The following RERE variants were observed in gnomAD, a reference collection of about 807,000 sequenced individuals.
RERE encodes the protein arginine-glutamic acid dipeptide repeats.
A neutral mutation model predicts 146.1 loss-of-function variants in RERE; 40 were observed. That is an observed-to-expected ratio of 0.27 (90% CI 0.21 to 0.36). The LOEUF is 0.36. Ranked by LOEUF, RERE falls within the 10% of genes least tolerant of loss-of-function variation. The probability of loss-of-function intolerance (pLI) is 1.00; values close to 1 mark genes in which losing one functional copy is unlikely to be tolerated. For missense variants in RERE, 1,933 were observed against 2,138.7 expected, an observed-to-expected ratio of 0.90 and a Z score of 1.90; for synonymous variants, 1,003 against 866.0, an observed-to-expected ratio of 1.16 and a Z score of -2.78.
chr1:8,471,919 C>G (rs1242342792), intron 10 of RERE, among the ~76,000 whole-genome samples: 1 of 152,192 alleles, frequency 6.6e-6, no homozygotes, highest in Non-Finnish European at 1.5e-5. Context: ...TCATGTGATT[C>G]TTCTGCCTCA....
chr1:8,386,534 G>GAACTGAAC (rs1642685955), intron 12 of RERE, among the ~76,000 whole-genome samples: 1 of 82,672 alleles, frequency 1.2e-5, no homozygotes, highest in African/African-American at 3.3e-5. Flanking sequence ...TGAAGGCAGT[G>GAACTGAAC]AACTGAACAT....
At chr1:8,620,110 G>C (rs930045773) in intron 3 of RERE, among the ~76,000 whole-genome samples, 1 of 152,162 alleles carries the variant, frequency 6.6e-6, no homozygotes, top group Non-Finnish European at 1.5e-5. Context: ...AACCCTAAAA[G>C]TAAGTAAGTC....
intron 12 of RERE, among the ~76,000 whole-genome samples, chr1:8,381,927 A>C (rs1642475146): frequency 6.6e-6 from 1 of 152,216 alleles, no homozygotes; most frequent in Non-Finnish European, 1.5e-5. Context: ...TGGTCCAATG[A>C]CACTTTGGCA....
At chr1:8,445,678 C>A (rs1644307639) in intron 11 of RERE, among the ~76,000 whole-genome samples, 1 of 151,950 alleles carries the variant, frequency 6.6e-6, no homozygotes, top group Non-Finnish European at 1.5e-5. Context: ...GCGGCAGGAA[C>A]CCCACCTTTT....
Position 8,602,804 on chromosome 1 carries a change from T to C in RERE, c.522+11757A>G, listed in dbSNP as rs1570495742. 2.6e-5 allele frequency among the ~76,000 whole-genome samples: 4 copies of C among 152,108 alleles called. 1 individual carries two copies. The highest frequency in any genetic ancestry group is 2.6e-4 in the Admixed American group (4 of 15,248). ...TTAACAGTCCCATGCATTTAATTTA[T>C]TGGTTTAAAAGAAATATTTCTTCAT... On this transcript the variant is annotated intron_variant, in intron 4 of 22. Coordinates refer to ENST00000400908, the MANE Select transcript of RERE (RefSeq NM_001042681.2).
chr1:8,526,021 C>T (rs1645565787), intron 7 of RERE: 1 of 1,263,698 alleles, frequency 7.9e-7, no homozygotes. Flanking sequence ...CACACTGTCT[C>T]TCCACGACGC....
At chr1:8,657,776 G>GGCA (rs931905468) in intron 1 of RERE, among the ~76,000 whole-genome samples, 20 of 151,378 alleles carry the variant, frequency 1.3e-4, no homozygotes, top group African/African-American at 4.9e-4. Context: ...GAACCTAGGA[G>GGCA]GCAGAGGTTA....
intron 2 of RERE, among the ~76,000 whole-genome samples, chr1:8,647,596 T>C (rs1647377120): frequency 6.6e-6 from 1 of 151,996 alleles, no homozygotes; most frequent in East Asian, 1.9e-4. Context: ...TATTGAGATG[T>C]AGATAAAAAG....
chr1:8,536,896 T>C (rs1378751193), intron 7 of RERE, among the ~76,000 whole-genome samples: 1 of 152,172 alleles, frequency 6.6e-6, no homozygotes, highest in Non-Finnish European at 1.5e-5. Context: ...GCCCCCTAAA[T>C]TTTTGCCCAA....
rs1268166745 is a variant in RERE at position 8,528,897 on chromosome 1, G to T, written c.830+12317C>A. ...GTATATTTCTAATAATTTTGTGCAT[G>T]AAACAAGGTTTTGATTGGGTTTTGA... On this transcript the variant is annotated intron_variant, in intron 7 of 22. Coordinates refer to ENST00000400908, the MANE Select transcript of RERE (RefSeq NM_001042681.2). Among the ~76,000 whole-genome samples, 4 of 152,296 alleles carry T rather than the reference G, an allele frequency of 2.6e-5. No homozygotes were observed. In the East Asian group the frequency reaches 7.7e-4, roughly 29 times the overall value.
intron 1 of RERE, among the ~76,000 whole-genome samples, chr1:8,811,552 G>A (rs532057719): frequency 2.0e-5 from 3 of 152,192 alleles, no homozygotes; most frequent in Non-Finnish European, 4.4e-5. Flanking sequence ...AGGCTGCAGT[G>A]AGCTATGCTC....
intron 1 of RERE, among the ~76,000 whole-genome samples, chr1:8,719,841 A>C (rs950046277): frequency 3.3e-5 from 5 of 152,112 alleles, no homozygotes; most frequent in Non-Finnish European, 5.9e-5. Flanking sequence ...CCCTCCATAT[A>C]ATTCTACTGC....
chr1:8,459,652 C>T (rs1191522127), intron 11 of RERE, among the ~76,000 whole-genome samples: 1 of 152,120 alleles, frequency 6.6e-6, no homozygotes, highest in Non-Finnish European at 1.5e-5. Flanking sequence ...CACGTACGTA[C>T]ATAAACAAAG....
intron 4 of RERE, among the ~76,000 whole-genome samples, chr1:8,603,475 A>G (rs1299606875): frequency 6.6e-6 from 1 of 152,230 alleles, no homozygotes; most frequent in Non-Finnish European, 1.5e-5. Context: ...TAACAGTTAC[A>G]TCACAAGCGG....
At chr1:8,370,794 C>T (rs921495279) in intron 12 of RERE, among the ~76,000 whole-genome samples, 13 of 152,156 alleles carry the variant, frequency 8.5e-5, no homozygotes, top group Admixed American at 3.3e-4. Context: ...TGCAGAGACC[C>T]GCTGCACATA....
intron 4 of RERE, among the ~76,000 whole-genome samples, chr1:8,586,361 G>A (rs1434845137): frequency 3.3e-5 from 5 of 152,272 alleles, no homozygotes; most frequent in East Asian, 3.9e-4. Flanking sequence ...AGAGGACCTC[G>A]AAGATGGCTG....
intron 12 of RERE, among the ~76,000 whole-genome samples, chr1:8,419,169 T>C (rs1204870319): frequency 6.6e-6 from 1 of 152,166 alleles, no homozygotes; most frequent in Non-Finnish European, 1.5e-5. Context: ...AACTACAGGA[T>C]ATTTGCACAA....
intron 4 of RERE, among the ~76,000 whole-genome samples, chr1:8,584,485 T>C (rs1646403724): frequency 1.3e-5 from 2 of 152,120 alleles, no homozygotes; most frequent in African/African-American, 4.8e-5. Flanking sequence ...AATTTGAGGT[T>C]ACAGTGAGCT....
chr1:8,358,592 G>C lies in RERE; in HGVS notation c.3943C>G (p.Arg1315Gly). 1 of 1,600,462 alleles carries C rather than the reference G, an allele frequency of 6.2e-7. No homozygotes were observed. The highest frequency in any genetic ancestry group is 2.2e-5 in the East Asian group (1 of 44,742). ...REREIREREI[R>G]ERELRERMKP... ...ATCCTCTCCCGCAGCTCCCGCTCTC[G>C]GATCTCCCGCTCTCGGATCTCCCGC... Residue 1315 changes from arginine to glycine, a missense_variant, in exon 20 of 23, where the codon CGA (arginine) becomes GGA (glycine). Physicochemically the swap from Arg to Gly is moderately radical, Grantham distance 125. This residue lies in a region of RERE where 1,255 missense variants were observed against 1,153.8 expected (regional missense o/e 1.09). Coordinates refer to ENST00000400908, the MANE Select transcript of RERE (RefSeq NM_001042681.2).
Sources: gnomAD v4.1 joint callset for allele counts (sites outside exome capture counted in the v4.1 genomes callset) on GRCh38, gnomAD v4.1.1 for gene constraint, gnomAD v4.1.1 regional missense constraint, MANE v1.5 for transcripts, NCBI Gene and HGNC (gene_info 2026-07-23, HGNC 2026-07-21) for gene names.